CELF2: variants seen among roughly 807,000 people sequenced by gnomAD.
CELF2 encodes the protein CUGBP Elav-like family member 2.
In CELF2, 8 loss-of-function variants were observed where a neutral mutation model predicts 62.6. The observed-to-expected ratio is 0.13, with a 90% CI of 0.07 to 0.23. The LOEUF is 0.23. Among genes scored for constraint, CELF2 ranks in the 10% least tolerant of loss-of-function variants. The probability of loss-of-function intolerance (pLI) is 1.00; values close to 1 mark genes in which losing one functional copy is unlikely to be tolerated. For synonymous variants in CELF2, 258 were observed against 250.0 expected (o/e 1.03, Z -0.30); for missense variants, 333 against 671.0 (o/e 0.50, Z 5.56).
At chr10:10,699,733 G>A in the CELF2 span, among the ~76,000 whole-genome samples, 13 of 152,334 alleles carry the variant, frequency 8.5e-5, no homozygotes, top group African/African-American at 2.2e-4. Flanking sequence ...GAGAAGGCTG[G>A]ACTTTGCTGG....
rs1292653289 is a variant in CELF2 at position 11,302,345 on chromosome 10, G to A, written c.977-11794G>A. 5.9e-5 allele frequency among the ~76,000 whole-genome samples: 9 copies of A among 152,192 alleles called. No homozygotes were observed. The highest frequency in any genetic ancestry group is 9.7e-5 in the African/African-American group (4 of 41,432). On this transcript the variant is annotated intron_variant, in intron 9 of 12. Transcript: ENST00000633077. This position sits in a 1 kb window ranked among gnomAD's most constrained non-coding sequence, Gnocchi z 5.0. ...AATGTTTGCATGCAAAAGCAGCGCC[G>A]AGGGCTGGTTCAACTCAGATGCCCA...
At chr10:10,736,539 C>A in the CELF2 span, among the ~76,000 whole-genome samples, 1 of 151,842 alleles carries the variant, frequency 6.6e-6, no homozygotes, top group East Asian at 1.9e-4. Flanking sequence ...ACGAATAAGA[C>A]AACTTAAGAG....
rs748971902 is a variant in CELF2 at position 11,316,012 on chromosome 10, C to T, written c.1096+1754C>T. Among the ~76,000 whole-genome samples the T allele has an allele frequency of 5.3e-5, 8 of 152,210 alleles. No individual in the cohort carries two copies. The South Asian group carries it at 1.0e-3, about 20-fold the overall frequency. On this transcript the variant is annotated intron_variant, in intron 10 of 12. Coordinates refer to ENST00000633077, the MANE Select transcript of CELF2 (RefSeq NM_001326342.2). This position sits in a 1 kb window ranked among gnomAD's most constrained non-coding sequence, Gnocchi z 4.4. ...CATGACTGGTGTGTGTGTGTCCTCT[C>T]GTCTGCGTCCCGCCCTGTCCACGCT...
chr10:10,617,524 A>C, the CELF2 span, among the ~76,000 whole-genome samples: 1 of 152,138 alleles, frequency 6.6e-6, no homozygotes, highest in Non-Finnish European at 1.5e-5. Flanking sequence ...AGGCAGGCTT[A>C]GAGAGGGTGC....
At chr10:10,844,426 A>G (rs2132599269) in intron 1 of CELF2, among the ~76,000 whole-genome samples, 2 of 152,216 alleles carry the variant, frequency 1.3e-5, no homozygotes, top group East Asian at 3.9e-4. Flanking sequence ...CTCCTGGAAC[A>G]AAATCTTAAG....
At chr10:10,739,669 C>T in the CELF2 span, among the ~76,000 whole-genome samples, 2 of 152,176 alleles carry the variant, frequency 1.3e-5, no homozygotes, top group South Asian at 2.1e-4. Context: ...AGAAAGCAAT[C>T]CAGGATCCCA....
intron 1 of CELF2, among the ~76,000 whole-genome samples, chr10:10,896,233 T>C (rs1156887301): frequency 6.6e-6 from 1 of 152,062 alleles, no homozygotes; most frequent in Non-Finnish European, 1.5e-5. Context: ...CACCTCAAGA[T>C]CCACAGGGCG....
intron 1 of CELF2, among the ~76,000 whole-genome samples, chr10:11,147,755 T>A (rs941222145): frequency 2.0e-5 from 3 of 152,212 alleles, no homozygotes; most frequent in Admixed American, 2.0e-4. Context: ...AGGAGGAAAT[T>A]GTCCTGATTA....
upstream of CELF2, among the ~76,000 whole-genome samples, chr10:11,014,455 C>A (rs1280970366): frequency 6.6e-6 from 1 of 152,126 alleles, no homozygotes; most frequent in Non-Finnish European, 1.5e-5. Flanking sequence ...AGCACCAGTC[C>A]CTAAATTATA....
chr10:11,294,534 C>T (rs915800354), intron 9 of CELF2, among the ~76,000 whole-genome samples: 1 of 152,128 alleles, frequency 6.6e-6, no homozygotes, highest in African/African-American at 2.4e-5. Context: ...CAAGGTAGAC[C>T]ATTCTTCCCT....
intron 2 of CELF2, among the ~76,000 whole-genome samples, chr10:10,991,366 C>A (rs910527637): frequency 6.6e-6 from 1 of 152,088 alleles, no homozygotes; most frequent in African/African-American, 2.4e-5. Context: ...ATGAGGCACA[C>A]GCTAAGGGGA....
chr10:10,537,580 C>G, the CELF2 span, among the ~76,000 whole-genome samples: 1 of 152,090 alleles, frequency 6.6e-6, no homozygotes, highest in African/African-American at 2.4e-5. Flanking sequence ...TGGAGGCTTG[C>G]TTCGAATTTG....
intron 5 of CELF2, 26 bp downstream of exon 5, chr10:11,257,898 TC>T (rs764392022): frequency 1.9e-6 from 3 of 1,612,812 alleles, no homozygotes; most frequent in Non-Finnish European, 2.5e-6. Context: ...GGAAAGCCTC[TC>T]CCCTTCAGTG....
chr10:10,638,613 G>A, the CELF2 span, among the ~76,000 whole-genome samples: 2 of 152,196 alleles, frequency 1.3e-5, no homozygotes, highest in Non-Finnish European at 2.9e-5. Flanking sequence ...CCCATTGGTA[G>A]CATGAAACAT....
chr10:10,769,618 G>T, the CELF2 span, among the ~76,000 whole-genome samples: 1 of 152,124 alleles, frequency 6.6e-6, no homozygotes, highest in Admixed American at 6.5e-5. Context: ...ACAAAAATTA[G>T]CTGGGCATGG....
chr10:10,503,121 G>A, the CELF2 span, among the ~76,000 whole-genome samples: 140,402 of 151,930 alleles, frequency 0.92, 65,146 homozygotes, highest in East Asian at 1. Flanking sequence ...TTTTACATTT[G>A]TTAAAATTTG....
intron 1 of CELF2, among the ~76,000 whole-genome samples, chr10:11,107,170 G>A (rs61830447): frequency 0.2 from 30,654 of 152,132 alleles, 3,191 homozygotes; most frequent in Middle Eastern, 0.3. Context: ...AGTGATTGGC[G>A]GCAGAAGCAA....
At chr10:10,857,260 T>C (rs2059771061) in intron 1 of CELF2, among the ~76,000 whole-genome samples, 1 of 152,132 alleles carries the variant, frequency 6.6e-6, no homozygotes, top group Non-Finnish European at 1.5e-5. Flanking sequence ...AGGGATTCTA[T>C]AAGCTAAAAA....
At chr10:10,875,435 T>C (rs990416757) in intron 1 of CELF2, among the ~76,000 whole-genome samples, 3 of 152,354 alleles carry the variant, frequency 2.0e-5, no homozygotes, top group African/African-American at 7.2e-5. Flanking sequence ...GCAGAGTTAT[T>C]ACAGAGTTAT....
Sources: gnomAD v4.1 joint callset for allele counts (sites outside exome capture counted in the v4.1 genomes callset) on GRCh38, gnomAD v4.1.1 for gene constraint, Gnocchi (gnomAD v3.1) non-coding constraint, MANE v1.5 for transcripts, NCBI Gene and HGNC (gene_info 2026-07-23, HGNC 2026-07-21) for gene names.